The following MYO15A variants were observed in gnomAD, a reference collection of about 807,000 sequenced individuals.
The protein encoded by MYO15A is myosin XVA.
A neutral mutation model predicts 394.6 loss-of-function variants in MYO15A; 308 were observed. That is an observed-to-expected ratio of 0.78 (90% CI 0.71 to 0.86). The LOEUF (loss-of-function observed/expected upper bound fraction) is 0.86, where lower values mean the gene tolerates loss of function less well. Among genes scored for constraint, MYO15A ranks in the 40% least tolerant of loss-of-function variants. The pLI is 0.00. For synonymous variants in MYO15A, 1,957 were observed against 2,003.8 expected, an observed-to-expected ratio of 0.98 and a Z score of 0.62; for missense variants, 4,606 against 4,799.1, an observed-to-expected ratio of 0.96 and a Z score of 1.19.
In MYO15A at chr17:18,143,918, G is replaced by A. The variant is rs144054368; in HGVS notation, c.6095G>A (p.Arg2032Gln). 2.5e-6 allele frequency: 4 copies of A among 1,605,638 alleles called. No individual in the cohort carries two copies. The highest frequency in any genetic ancestry group is 2.7e-5 in the African/African-American group (2 of 74,836). The change falls in exon 28 of 66, where the codon CGA becomes CAA. Residue 2032 changes from arginine (R) to glutamine (Q), a missense_variant. By Grantham distance (43) the Arg-to-Gln change is conservative. This residue lies in a region of MYO15A where 2,776 missense variants were observed against 3,109.3 expected (regional missense o/e 0.89). Transcript: ENST00000647165. ...CAGGTGGCCCCTGTGAGGACTCCTC[G>A]ACTCCAGGCTGAGCCCCGTGTCACA... ...VPQVAPVRTPRLQAEPRVTLP... is the reference protein window; with the variant it reads ...VPQVAPVRTPQLQAEPRVTLP...
intron 59 of MYO15A, 38 bp downstream of exon 59, chr17:18,163,359 G>T (rs764192559): frequency 7.5e-6 from 12 of 1,602,962 alleles, no homozygotes; most frequent in Middle Eastern, 1.6e-4. Context: ...AGGTACTGGA[G>T]GGGCAGGGAC....
At chr17:18,149,436 G>A (rs2046540552) in intron 34 of MYO15A, 50 bp from the exon 35 acceptor site, 1 of 1,613,980 alleles carries the variant, frequency 6.2e-7, no homozygotes, top group Non-Finnish European at 8.5e-7. Context: ...TGTGTGGGGT[G>A]GAAATCATCA....
At chr17:18,127,762 C>T (rs1027275459) in intron 7 of MYO15A, among the ~76,000 whole-genome samples, 3 of 149,480 alleles carry the variant, frequency 2.0e-5, no homozygotes, top group East Asian at 2.0e-4. Context: ...GGAGGGGTAG[C>T]GGCAACTCAG....
At chr17:18,142,381 G>A in intron 24 of MYO15A, 127 bp downstream of exon 24, 2 of 1,153,816 alleles carry the variant, frequency 1.7e-6, no homozygotes, top group Non-Finnish European at 2.5e-6. Context: ...GGCCTCTGCA[G>A]GAGAATGATC....
chr17:18,127,903 G>A lies in MYO15A; in HGVS notation c.4032+738G>A, dbSNP rs867895243. 1.4e-4 allele frequency among the ~76,000 whole-genome samples: 21 copies of A among 150,662 alleles called. 1 individual carries two copies. The highest frequency in any genetic ancestry group is 4.9e-4 in the African/African-American group (20 of 40,968). On this transcript the variant is annotated intron_variant, in intron 7 of 65. Transcript: ENST00000647165. ...TTATGTGTATGTGAAAGGGTAGGTGGTGAGTTGTGGAGGAAAAAAGTGAAG... is the reference window on the plus strand; with the variant it reads ...TTATGTGTATGTGAAAGGGTAGGTGATGAGTTGTGGAGGAAAAAAGTGAAG...
At position 18,149,513 on chromosome 17, in the gene MYO15A, T is replaced by C; in HGVS notation, c.7145T>C (p.Val2382Ala). 1 of 1,614,200 alleles carries C rather than the reference T, an allele frequency of 6.2e-7. No individual in the cohort carries two copies. Among genetic ancestry groups the C allele is most frequent in the Non-Finnish European group, 8.5e-7 (1 of 1,180,022 alleles). ...TCAGACAGTCTTGGAGAGCCTGCTG[T>C]GCCCCACAAGGGGCTGGACTGCTAC... is the stretch of plus-strand genomic sequence containing the variant. The part of the protein sequence containing the change: ...QESDSLGEPA[V>A]PHKGLDCYLD... Residue 2382 changes from valine to alanine, a missense_variant, in exon 35 of 66, where the codon GTG (valine) becomes GCG (alanine). By Grantham distance (64) the Val-to-Ala change is moderately conservative (BLOSUM62 0). Transcript: ENST00000647165.
At chr17:18,168,853 G>C (rs1213649945) in intron 62 of MYO15A, among the ~76,000 whole-genome samples, 5 of 151,856 alleles carry the variant, frequency 3.3e-5, no homozygotes, top group Non-Finnish European at 5.9e-5. Flanking sequence ...TGTAATCCCA[G>C]TACTTTGGGA....
intron 56 of MYO15A, chr17:18,161,053 G>T (rs770303679): frequency 1.6e-6 from 1 of 617,600 alleles, no homozygotes; most frequent in Non-Finnish European, 3.0e-6. Context: ...GTGAGGCAGA[G>T]AAGAGAAGAA....
At position 18,172,325 on chromosome 17, in the gene MYO15A, CCT is replaced by C. The variant is rs781480733; in HGVS notation, c.10350+38_10350+39del. 6.3e-4 allele frequency: 1,010 copies of C among 1,614,082 alleles called. 1 individual carries two copies. Among genetic ancestry groups the C allele is most frequent in the Non-Finnish European group, 8.0e-4 (949 of 1,179,998 alleles). ...CTCAGCCTGGCACTGCCATCGCCACCCTCTGTTCCCTGGTCCCCAACCCCCTC... is the reference window on the plus strand; with the variant it reads ...CTCAGCCTGGCACTGCCATCGCCACCCTGTTCCCTGGTCCCCAACCCCCTC... On this transcript the variant is annotated intron_variant, in intron 64 of 65. Transcript: ENST00000647165.
In MYO15A at chr17:18,136,671, C is replaced by CT. The variant is rs749775471; in HGVS notation, c.4764_4765insT (p.Ile1589TyrfsTer13). ...ACACACTGTCCATCGCCATCCTGGACATCTATGGTTTCGAGGTGGGGCCGT... is the reference window on the plus strand; with the variant it reads ...ACACACTGTCCATCGCCATCCTGGACTATCTATGGTTTCGAGGTGGGGCCGT... On this transcript the variant is annotated frameshift_variant, in exon 15 of 66. Transcript: ENST00000647165. LOFTEE classifies it high-confidence loss of function. 1 of 1,609,530 alleles carries CT rather than the reference C, an allele frequency of 6.2e-7. No individual in the cohort carries two copies. Among genetic ancestry groups the CT allele is most frequent in the East Asian group, 2.2e-5 (1 of 44,830 alleles).
chr17:18,155,421 G>C lies in MYO15A; in HGVS notation c.8448G>C (p.Leu2816=). 4 of 1,613,222 alleles carry C rather than the reference G, an allele frequency of 2.5e-6. No individual in the cohort carries two copies. Among genetic ancestry groups the C allele is most frequent in the Non-Finnish European group, 3.4e-6 (4 of 1,179,980 alleles). The change falls in exon 47 of 66, where the codon CTG becomes CTC. Residue 2816 remains leucine, a synonymous_variant. Transcript: ENST00000647165. ...GQEAGGQLRV[L]RAYSFADILF... ...AGGCCGGCGGGCAGCTGCGGGTCCTGCGTGCATACAGGTGACCAGCAGGGG... is the reference window on the plus strand; with the variant it reads ...AGGCCGGCGGGCAGCTGCGGGTCCTCCGTGCATACAGGTGACCAGCAGGGG...
At chr17:18,160,624 T>C (rs1185067282) in intron 56 of MYO15A, 2 of 196,684 alleles carry the variant, frequency 1.0e-5, no homozygotes, top group African/African-American at 4.7e-5. Flanking sequence ...GGCCAGGGGC[T>C]GCGGTGTTCA....
At chr17:18,140,458 C>T (rs2046357413) in intron 19 of MYO15A, 59 bp from the exon 20 acceptor site, 1 of 1,610,724 alleles carries the variant, frequency 6.2e-7, no homozygotes. Flanking sequence ...CTCTCTTCCT[C>T]CTCATTTCGG....
At chr17:18,154,089 G>A in intron 43 of MYO15A, 42 bp from the exon 44 acceptor site, 1 of 1,611,062 alleles carries the variant, frequency 6.2e-7, no homozygotes, top group South Asian at 1.1e-5. Context: ...AGCAAGGCCA[G>A]GGGGCAGTCG....
At chr17:18,164,878 A>AC (rs2046830289) in intron 60 of MYO15A, 1 of 115,420 alleles carries the variant, frequency 8.7e-6, no homozygotes, top group Non-Finnish European at 1.8e-5. Context: ...GGTGGCTTGC[A>AC]CCTTTAATCC....
Position 18,119,115 on chromosome 17 carries a change from C to T in MYO15A, c.315C>T (p.Ser105=), listed in dbSNP as rs200533220. 6.2e-7 allele frequency: 1 copy of T among 1,612,088 alleles called. No homozygotes were observed. The part of the protein sequence containing the change: ...KKRAMKGKKP[S]FMVIRFPGRR... ...GGGCGATGAAGGGCAAGAAGCCGTC[C>T]TTCATGGTGATCCGCTTCCCAGGCC... Residue 105 remains serine, a synonymous_variant, in exon 2 of 66, where the codon TCC becomes TCT. Coordinates refer to ENST00000647165, the MANE Select transcript of MYO15A (RefSeq NM_016239.4).
intron 5 of MYO15A, 123 bp downstream of exon 5, chr17:18,126,579 A>G: frequency 9.3e-7 from 1 of 1,075,224 alleles, no homozygotes; most frequent in Non-Finnish European, 1.4e-6. Flanking sequence ...CAGCCCACCT[A>G]CTCAATCTGA....
intron 22 of MYO15A, 128 bp downstream of exon 22, chr17:18,141,271 G>A: frequency 7.4e-7 from 1 of 1,343,084 alleles, no homozygotes; most frequent in East Asian, 2.4e-5. Context: ...ACTTCACAAG[G>A]CTACCACATG....
rs1373724824 is a variant in MYO15A at position 18,132,910 on chromosome 17, A to G, written c.4321-315A>G. ...TTTGCAGGGATGTAGTGAGGCTTAGATGAGGAAACGCATGTAAAGAGCTTA... is the reference window on the plus strand; with the variant it reads ...TTTGCAGGGATGTAGTGAGGCTTAGGTGAGGAAACGCATGTAAAGAGCTTA... On this transcript the variant is annotated intron_variant, in intron 11 of 65. Transcript: ENST00000647165. The surrounding 1 kb of genome is among the most constrained non-coding windows in gnomAD (Gnocchi z 4.6). Among the ~76,000 whole-genome samples the G allele has an allele frequency of 6.6e-6, 1 of 152,192 alleles. No homozygotes were observed. The highest frequency in any genetic ancestry group is 1.5e-5 in the Non-Finnish European group (1 of 68,034).
Sources: gnomAD v4.1 joint callset for allele counts (sites outside exome capture counted in the v4.1 genomes callset) on GRCh38, gnomAD v4.1.1 for gene constraint, gnomAD v4.1.1 regional missense constraint, Gnocchi (gnomAD v3.1) non-coding constraint, MANE v1.5 for transcripts, NCBI Gene and HGNC (gene_info 2026-07-23, HGNC 2026-07-21) for gene names.